PPP2R5C: variants seen among roughly 807,000 people sequenced by gnomAD.
PPP2R5C encodes the protein protein phosphatase 2 regulatory subunit B'gamma.
A neutral mutation model predicts 68.9 loss-of-function variants in PPP2R5C; 7 were observed. The observed-to-expected ratio is 0.10, with a 90% CI of 0.06 to 0.19. The LOEUF is 0.19. PPP2R5C is among the 10% of genes least tolerant of loss of function. The pLI is 1.00. For synonymous variants in PPP2R5C, 210 were observed against 222.2 expected, an observed-to-expected ratio of 0.95 and a Z score of 0.49; for missense variants, 348 against 641.3, an observed-to-expected ratio of 0.54 and a Z score of 4.94.
chr14:101,894,473 A>C, intron 7 of PPP2R5C, 34 bp from the exon 10 acceptor site: 1 of 1,602,730 alleles, frequency 6.2e-7, no homozygotes, highest in Non-Finnish European at 8.5e-7. Flanking sequence ...TTTTATGTTG[A>C]AATGTTAATG....
chr14:101,866,087 G>A (rs1202910448), intron 2 of PPP2R5C, among the ~76,000 whole-genome samples: 14 of 152,142 alleles, frequency 9.2e-5, no homozygotes, highest in Admixed American at 9.2e-4. Flanking sequence ...TAGAGACAGG[G>A]TTTCACCATG....
intron 2 of PPP2R5C, among the ~76,000 whole-genome samples, chr14:101,875,781 G>T (rs757154272): frequency 1.6e-4 from 25 of 152,218 alleles, no homozygotes; most frequent in Admixed American, 5.9e-4. Context: ...GTTTAAGATT[G>T]TGTCTGCTTT....
At chr14:101,871,472 T>A (rs1180471467) in intron 2 of PPP2R5C, among the ~76,000 whole-genome samples, 2 of 152,154 alleles carry the variant, frequency 1.3e-5, no homozygotes, top group African/African-American at 4.8e-5. Flanking sequence ...CTCGATCTCC[T>A]GATCTCGTGA....
intron 13 of PPP2R5C, 60 bp from the exon 16 acceptor site, chr14:101,925,081 G>A (rs1261575504): frequency 1.3e-6 from 2 of 1,586,336 alleles, no homozygotes; most frequent in Non-Finnish European, 1.7e-6. Flanking sequence ...CACCTCAGAA[G>A]TAAGCTTGCT....
intron 5 of PPP2R5C, 98 bp from the exon 8 acceptor site, chr14:101,890,139 G>T (rs1016773811): frequency 3.6e-6 from 4 of 1,102,400 alleles, no homozygotes; most frequent in South Asian, 2.7e-5. Flanking sequence ...AAATAGATGC[G>T]CTTCTTGTTG....
intron 2 of PPP2R5C, among the ~76,000 whole-genome samples, chr14:101,866,584 C>T (rs540357507): frequency 4.9e-4 from 74 of 151,948 alleles, no homozygotes; most frequent in Non-Finnish European, 8.1e-4. Flanking sequence ...GCAGGAGAAT[C>T]GCTTAAACCC....
At chr14:101,897,570 A>G (rs1483568947) in intron 8 of PPP2R5C, among the ~76,000 whole-genome samples, 3 of 152,068 alleles carry the variant, frequency 2.0e-5, no homozygotes, top group East Asian at 3.9e-4. Context: ...GCAGGCTGGG[A>G]GGCTAGGCCA....
chr14:101,920,573 A>T (rs1225762616), intron 13 of PPP2R5C, among the ~76,000 whole-genome samples: 2 of 152,222 alleles, frequency 1.3e-5, no homozygotes, highest in East Asian at 3.8e-4. Context: ...CAGAAGAGTC[A>T]TTGGGATGTC....
At chr14:101,784,934 C>A (rs762706876) in intron 2 of PPP2R5C, among the ~76,000 whole-genome samples, 25 of 151,090 alleles carry the variant, frequency 1.7e-4, no homozygotes, top group Non-Finnish European at 3.1e-4. Flanking sequence ...CCACGGGCCC[C>A]CTTGGTGAGC....
At chr14:101,761,891 G>T in exon 1 of PPP2R5C, 1 of 1,167,524 alleles carries the variant, frequency 8.6e-7, no homozygotes, top group Non-Finnish European at 1.1e-6. Flanking sequence ...GCCCGCTCCA[G>T]CCATGCCGAA....
rs144322837 is a variant in PPP2R5C at position 101,837,513 on chromosome 14, A to T, written c.95-19173A>T. On this transcript the variant is annotated intron_variant, in intron 1 of 13. Coordinates refer to ENST00000334743, the Ensembl canonical transcript of PPP2R5C. ...AGAGGAAACCGATGTGATTTCCAAA[A>T]ATTTGAAATAATTAGAAACCTTATT... Among the ~76,000 whole-genome samples, 754 of 152,344 alleles carry T rather than the reference A, an allele frequency of 4.9e-3. 10 individuals are homozygous for T. Among genetic ancestry groups the T allele is most frequent in the African/African-American group, 0.017 (714 of 41,576 alleles).
chr14:101,866,009 C>T (rs974928909), intron 2 of PPP2R5C, among the ~76,000 whole-genome samples: 1 of 152,200 alleles, frequency 6.6e-6, no homozygotes, highest in African/African-American at 2.4e-5. Flanking sequence ...ATTCTCCTGC[C>T]TCAGCCTCCC....
chr14:101,809,852 G>T, upstream of PPP2R5C: 1 of 1,512,598 alleles, frequency 6.6e-7, no homozygotes, highest in Non-Finnish European at 8.8e-7. Context: ...TCCAGCTGCA[G>T]AGAGCTTCAG....
intron 13 of PPP2R5C, among the ~76,000 whole-genome samples, chr14:101,923,059 C>T (rs1022200669): frequency 6.6e-6 from 1 of 152,198 alleles, no homozygotes; most frequent in Non-Finnish European, 1.5e-5. Context: ...CTGTGGTCCG[C>T]TCCGCCCCTG....
chr14:101,781,880 G>C lies in PPP2R5C; in HGVS notation c.94-4138G>C, dbSNP rs1205135612. Among the ~76,000 whole-genome samples, 1 of 151,796 alleles carries C rather than the reference G, an allele frequency of 6.6e-6. No individual in the cohort carries two copies. Among genetic ancestry groups the C allele is most frequent in the Non-Finnish European group, 1.5e-5 (1 of 67,886 alleles). On this transcript the variant is annotated intron_variant, in intron 2 of 14. Transcript: ENST00000328724. This position sits in a 1 kb window ranked among gnomAD's most constrained non-coding sequence, Gnocchi z 6.4. The stretch of plus-strand genomic sequence containing the variant: ...GCCGTGGCCGTGGCCAGGTGTACCG[G>C]AGCGGCACCCAGGAGCCCGCCCTAG...
In PPP2R5C at chr14:101,879,372, AC is replaced by A. The variant is rs2044004173; in HGVS notation, c.295-2785del. On this transcript the variant is annotated intron_variant, in intron 2 of 13. Transcript: ENST00000334743. This position sits in a 1 kb window ranked among gnomAD's most constrained non-coding sequence, Gnocchi z 4.2. ...TACAGCCTCGTCTCTGGGTGAGCTG[AC>A]CCCTCTCTCCCTTGGCAGCTTCCTG... is the stretch of plus-strand genomic sequence containing the variant. 6.6e-6 allele frequency: 1 copy of A among 152,444 alleles called. No individual in the cohort carries two copies. Among genetic ancestry groups the A allele is most frequent in the African/African-American group, 2.4e-5 (1 of 41,330 alleles). 9.4% of individuals were successfully genotyped at this position (152,444 alleles called of 1,614,324 possible). A position where few individuals can be genotyped will look rare whatever the true frequency, so the allele number is the denominator to read the frequency against.
upstream of PPP2R5C, among the ~76,000 whole-genome samples, chr14:101,807,203 G>A: frequency 6.6e-6 from 1 of 152,092 alleles, no homozygotes; most frequent in East Asian, 1.9e-4. Flanking sequence ...TCTGCATATA[G>A]TTAATCAGTT....
rs925558774 is a variant in PPP2R5C at position 101,835,834 on chromosome 14, G to A, written c.95-20852G>A. On this transcript the variant is annotated intron_variant, in intron 1 of 13. Transcript: ENST00000334743. This position sits in a 1 kb window ranked among gnomAD's most constrained non-coding sequence, Gnocchi z 5.0. ...CCTGCCTGGGCTCAGGCATCAGCAC[G>A]GTCCCATCTGAGCGTCGCCTTAACC... Among the ~76,000 whole-genome samples, 5 of 152,218 alleles carry A rather than the reference G, an allele frequency of 3.3e-5. No homozygotes were observed. The highest frequency in any genetic ancestry group is 3.8e-4 in the East Asian group (2 of 5,198).
rs528021632 is a variant in PPP2R5C at position 101,899,103 on chromosome 14, C to A, written c.853-2616C>A. On this transcript the variant is annotated intron_variant, in intron 8 of 13. Coordinates refer to ENST00000334743, the Ensembl canonical transcript of PPP2R5C. This position sits in a 1 kb window ranked among gnomAD's most constrained non-coding sequence, Gnocchi z 4.2. Reference sequence around the variant, plus strand: ...TTTGTAGCCTGTAATTAGTATTTTTCATTTGCTAATTGTGTACAGTGCTCA... The same window carrying A: ...TTTGTAGCCTGTAATTAGTATTTTTAATTTGCTAATTGTGTACAGTGCTCA... Among the ~76,000 whole-genome samples the A allele has an allele frequency of 6.6e-6, 1 of 152,310 alleles. No individual in the cohort carries two copies. The highest frequency in any genetic ancestry group is 2.4e-5 in the African/African-American group (1 of 41,558).
Sources: allele counts gnomAD v4.1 joint callset (sites outside exome capture counted in the v4.1 genomes callset), GRCh38; gene constraint gnomAD v4.1.1; non-coding constraint Gnocchi (gnomAD v3.1); transcripts MANE v1.5; gene names NCBI Gene and HGNC (gene_info 2026-07-23, HGNC 2026-07-21).